PCDH11X: variants seen among roughly 807,000 people sequenced by gnomAD.
PCDH11X encodes protocadherin 11 X-linked.
A neutral mutation model predicts 53.3 loss-of-function variants in PCDH11X; 18 were observed. The ratio of observed to expected loss-of-function variants is 0.34; its 90% CI spans 0.23 to 0.50. PCDH11X has a LOEUF of 0.50. PCDH11X is among the 20% of genes least tolerant of loss of function. The pLI, the probability that PCDH11X is intolerant of heterozygous loss-of-function variation, is 0.98. For synonymous variants in PCDH11X, 279 were observed against 393.3 expected, an observed-to-expected ratio of 0.71 and a Z score of 3.44; for missense variants, 570 against 1,032.4, an observed-to-expected ratio of 0.55 and a Z score of 6.14.
intron 6 of PCDH11X, among the ~76,000 whole-genome samples, chrX:91,965,354 T>C (rs2061848810): frequency 1.8e-5 from 2 of 109,781 alleles, no homozygotes; most frequent in Admixed American, 9.7e-5. Context: ...TATCACACAA[T>C]GTATTATTTT....
chrX:91,857,297 G>C (rs1042077011), intron 5 of PCDH11X, among the ~76,000 whole-genome samples: 1 of 111,105 alleles, frequency 9.0e-6, no homozygotes, highest in South Asian at 3.9e-4. Context: ...CCTCACACCA[G>C]GTTCCTCCCA....
At position 92,201,375 on chromosome X, in the gene PCDH11X, C is replaced by G; in HGVS notation, c.3034C>G (p.Pro1012Ala). Residue 1012 changes from proline to alanine, a missense_variant and splice_region_variant, in exon 7 of 11, where the codon CCA becomes GCA. Physicochemically the swap from Pro to Ala is conservative, Grantham distance 27. This residue lies in a region of PCDH11X where 234 missense variants were observed against 296.1 expected (regional missense o/e 0.79). Transcript: ENST00000682573. The part of the protein sequence containing the change: ...EVPVSVHTRP[P>A]MKEVVRSCTP... ...ACTTCTATTTTCTTCCCTTCTAAAG[C>G]CAATGAAGGAGGTTGTGCGATCTTG... The G allele has an allele frequency of 8.4e-7, 1 of 1,196,820 alleles. No individual in the cohort carries two copies.
At chrX:92,489,436 G>A (rs1420791157) in intron 10 of PCDH11X, among the ~76,000 whole-genome samples, 3 of 110,547 alleles carry the variant, frequency 2.7e-5, no homozygotes, top group East Asian at 5.7e-4. Context: ...GCATATTTAC[G>A]CTTGCATATT....
intron 6 of PCDH11X, among the ~76,000 whole-genome samples, chrX:92,106,975 G>A (rs1369031647): frequency 9.0e-6 from 1 of 111,713 alleles, no homozygotes; most frequent in African/African-American, 3.3e-5. Context: ...TCTCTCAGAA[G>A]CCTATTACTT....
At chrX:92,020,912 T>G (rs1484755377) in intron 6 of PCDH11X, among the ~76,000 whole-genome samples, 1 of 110,473 alleles carries the variant, frequency 9.1e-6, no homozygotes, top group Non-Finnish European at 1.9e-5. Context: ...ACCAGATGAA[T>G]AGGGCCTGAA....
At chrX:92,126,453 A>C (rs2064863675) in intron 6 of PCDH11X, among the ~76,000 whole-genome samples, 1 of 109,980 alleles carries the variant, frequency 9.1e-6, no homozygotes, top group African/African-American at 3.3e-5. Flanking sequence ...TCTACTAAAA[A>C]TACAAAATTA....
At chrX:91,856,523 T>C (rs1211889399) in intron 5 of PCDH11X, among the ~76,000 whole-genome samples, 1 of 109,433 alleles carries the variant, frequency 9.1e-6, no homozygotes, top group Non-Finnish European at 1.9e-5. Flanking sequence ...CATAGGTAAA[T>C]GTGTGCCGTG....
At chrX:92,096,387 G>A (rs5984878) in intron 6 of PCDH11X, among the ~76,000 whole-genome samples, 9,150 of 108,790 alleles carry the variant, frequency 0.084, 973 homozygotes, top group African/African-American at 0.29. Context: ...AGGACTGAAT[G>A]AATAGACAAG....
At chrX:92,505,670 T>G (rs2074044711) in intron 10 of PCDH11X, among the ~76,000 whole-genome samples, 1 of 111,554 alleles carries the variant, frequency 9.0e-6, no homozygotes, top group African/African-American at 3.3e-5. Context: ...TAGGATTGCT[T>G]TAGTCATTTA....
chrX:91,972,982 T>C (rs2061987431), intron 6 of PCDH11X, among the ~76,000 whole-genome samples: 1 of 110,731 alleles, frequency 9.0e-6, no homozygotes, highest in East Asian at 2.9e-4. Context: ...TAAAAACACA[T>C]GCACACGTAT....
intron 6 of PCDH11X, among the ~76,000 whole-genome samples, chrX:92,051,752 C>T: frequency 9.0e-6 from 1 of 111,129 alleles, no homozygotes. Context: ...GGGTAAATAA[C>T]TCTAGACATT....
At chrX:91,849,351 G>C (rs767666792) in intron 5 of PCDH11X, among the ~76,000 whole-genome samples, 1 of 109,297 alleles carries the variant, frequency 9.1e-6, no homozygotes, top group Non-Finnish European at 1.9e-5. Flanking sequence ...TCCTGTCTTG[G>C]GGGTTTATTG....
chrX:92,314,129 CACTT>C (rs772029017), intron 8 of PCDH11X, among the ~76,000 whole-genome samples: 3 of 112,472 alleles, frequency 2.7e-5, no homozygotes, highest in African/African-American at 6.4e-5. Context: ...TTTGTAATAA[CACTT>C]AGTTTAAAAC....
intron 8 of PCDH11X, among the ~76,000 whole-genome samples, chrX:92,317,179 C>T (rs1421943409): frequency 9.1e-5 from 9 of 98,657 alleles, no homozygotes; most frequent in Non-Finnish European, 1.8e-4. Context: ...CCCACCCCCC[C>T]ATCCCTGCTT....
chrX:92,416,621 A>T (rs5942244), intron 9 of PCDH11X, among the ~76,000 whole-genome samples: 20,862 of 109,760 alleles, frequency 0.19, 1,801 homozygotes, highest in Middle Eastern at 0.29. Context: ...AATATTCCTA[A>T]CACAAAGAAA....
chrX:92,346,607 T>C (rs1379114893), intron 8 of PCDH11X, among the ~76,000 whole-genome samples: 2 of 112,064 alleles, frequency 1.8e-5, no homozygotes, highest in African/African-American at 3.2e-5. Context: ...ACATACGTAG[T>C]AGACTACAAT....
At chrX:92,174,286 A>G (rs958530786) in intron 6 of PCDH11X, among the ~76,000 whole-genome samples, 4 of 110,955 alleles carry the variant, frequency 3.6e-5, no homozygotes, top group African/African-American at 1.3e-4. Context: ...AAAAGAGAAA[A>G]AGGTGAAAAT....
chrX:92,150,355 T>C (rs1485305591), intron 6 of PCDH11X, among the ~76,000 whole-genome samples: 1 of 110,642 alleles, frequency 9.0e-6, no homozygotes, highest in East Asian at 2.8e-4. Context: ...ACTGCAGATG[T>C]CAAGCATCTC....
intron 7 of PCDH11X, among the ~76,000 whole-genome samples, chrX:92,210,366 G>A (rs2066561938): frequency 9.5e-6 from 1 of 104,952 alleles, no homozygotes; most frequent in Admixed American, 1.1e-4. Flanking sequence ...AGTCTCCCGA[G>A]TAGCTGGGAC....
Sources: allele counts gnomAD v4.1 joint callset (sites outside exome capture counted in the v4.1 genomes callset), GRCh38; gene constraint gnomAD v4.1.1; regional missense constraint gnomAD v4.1.1; transcripts MANE v1.5; gene names NCBI Gene and HGNC (gene_info 2026-07-23, HGNC 2026-07-21).